DMD: variants seen among roughly 807,000 people sequenced by gnomAD.
The protein encoded by DMD is mutant dystrophin.
DMD carries 63 observed loss-of-function variants against 330.1 expected under a neutral mutation model. The ratio of observed to expected loss-of-function variants is 0.19; its 90% CI spans 0.16 to 0.24. The LOEUF (loss-of-function observed/expected upper bound fraction) is 0.24. Ranked by LOEUF, DMD falls within the 10% of genes least tolerant of loss-of-function variation. DMD has a pLI of 1.00. For missense variants in DMD, 3,344 were observed against 2,684.1 expected, an observed-to-expected ratio of 1.25 and a Z score of -5.43; for synonymous variants, 1,223 against 959.8, an observed-to-expected ratio of 1.27 and a Z score of -5.07.
intron 42 of DMD, among the ~76,000 whole-genome samples, chrX:32,297,138 T>C (rs180731642): frequency 0.01 from 1,156 of 111,550 alleles, 15 homozygotes; most frequent in African/African-American, 0.037. Flanking sequence ...AATACTATCT[T>C]CTAGGTTTCT....
intron 2 of DMD, among the ~76,000 whole-genome samples, chrX:32,907,525 G>GATCA (rs2086824576): frequency 9.0e-6 from 1 of 111,694 alleles, no homozygotes; most frequent in Non-Finnish European, 1.9e-5. Context: ...TAATAGGAGA[G>GATCA]AATTGATCAA....
At chrX:31,915,877 G>C (rs1317160773) in intron 47 of DMD, among the ~76,000 whole-genome samples, 1 of 111,736 alleles carries the variant, frequency 8.9e-6, no homozygotes, top group African/African-American at 3.3e-5. Context: ...GATTGCACTG[G>C]TGACCTCTCT....
Position 33,131,530 on chromosome X carries a change from A to AC in DMD, c.31+79751dup, listed in dbSNP as rs759081177. Among the ~76,000 whole-genome samples, 13 of 111,238 alleles carry AC rather than the reference A, an allele frequency of 1.2e-4. No individual in the cohort carries two copies. In the East Asian group the frequency reaches 3.7e-3, roughly 32 times the overall value. ...CTTAGGCCTTTGCACATTTAGGTAG[A>AC]CCCCCCAGGTGATTCTGTTATCCAA... On this transcript the variant is annotated intron_variant, in intron 1 of 78. Transcript: ENST00000357033.
chrX:32,732,421 G>C (rs1603299518), intron 7 of DMD, among the ~76,000 whole-genome samples: 1 of 110,206 alleles, frequency 9.1e-6, no homozygotes, highest in South Asian at 3.9e-4. Flanking sequence ...ATGCCACAAA[G>C]ATACTCCTCG....
At chrX:32,191,200 T>C (rs1225600937) in intron 44 of DMD, among the ~76,000 whole-genome samples, 3 of 111,779 alleles carry the variant, frequency 2.7e-5, no homozygotes, top group Non-Finnish European at 5.6e-5. Flanking sequence ...CTTTAGCTTC[T>C]ATCGAGAGAC....
In DMD at chrX:32,466,092, G is replaced by C. The variant is rs190353802; in HGVS notation, c.3163-1393C>G. Among the ~76,000 whole-genome samples, 85 of 110,535 alleles carry C rather than the reference G, an allele frequency of 7.7e-4. 1 individual carries two copies. The highest frequency in any genetic ancestry group is 4.6e-3 in the Middle Eastern group (1 of 217). ...AGTTTTTTCTTATTAAGTTTTTATT[G>C]TTATTATTATCAGTCCCATCACCAC... On this transcript the variant is annotated intron_variant, in intron 23 of 78. Transcript: ENST00000357033.
chrX:32,138,057 A>G (rs989792537), intron 44 of DMD, among the ~76,000 whole-genome samples: 1 of 107,928 alleles, frequency 9.3e-6, no homozygotes. Context: ...TCCTGCTTAG[A>G]CTCTAGTCTT....
At chrX:31,329,011 A>G (rs985179530) in intron 61 of DMD, among the ~76,000 whole-genome samples, 8 of 112,377 alleles carry the variant, frequency 7.1e-5, no homozygotes, top group African/African-American at 2.3e-4. Context: ...TCCTAGACCA[A>G]TGACATCTAT....
intron 1 of DMD, among the ~76,000 whole-genome samples, chrX:33,320,441 T>C (rs993888776): frequency 5.3e-5 from 6 of 112,332 alleles, no homozygotes; most frequent in African/African-American, 1.6e-4. Context: ...ATAAAAGTTA[T>C]ATTTACATTA....
chrX:32,837,032 A>G (rs899441923), intron 4 of DMD, among the ~76,000 whole-genome samples: 2 of 111,308 alleles, frequency 1.8e-5, no homozygotes, highest in African/African-American at 6.5e-5. Flanking sequence ...TTAGCCAGAA[A>G]CCACGTCTAC....
intron 1 of DMD, among the ~76,000 whole-genome samples, chrX:33,060,677 T>C (rs1018053909): frequency 9.2e-6 from 1 of 108,905 alleles, no homozygotes; most frequent in South Asian, 4.0e-4. Context: ...CTACTAAAAA[T>C]ACAAAAAAAA....
intron 9 of DMD, among the ~76,000 whole-genome samples, chrX:32,667,684 A>G (rs776724423): frequency 9.1e-6 from 1 of 109,331 alleles, no homozygotes; most frequent in South Asian, 3.8e-4. Context: ...CATGTATAAT[A>G]TTTGTCTTTT....
At chrX:32,182,374 G>T (rs980077737) in intron 44 of DMD, among the ~76,000 whole-genome samples, 1 of 111,341 alleles carries the variant, frequency 9.0e-6, no homozygotes, top group Non-Finnish European at 1.9e-5. Flanking sequence ...ATACTTTACA[G>T]CCTTATTATG....
intron 44 of DMD, among the ~76,000 whole-genome samples, chrX:32,039,640 G>T (rs1313612669): frequency 9.0e-6 from 1 of 111,707 alleles, no homozygotes; most frequent in Non-Finnish European, 1.9e-5. Context: ...CCAAATAAAC[G>T]ATATAGAACA....
At chrX:32,521,193 C>A (rs1025110782) in intron 17 of DMD, among the ~76,000 whole-genome samples, 1 of 111,903 alleles carries the variant, frequency 8.9e-6, no homozygotes, top group Non-Finnish European at 1.9e-5. Flanking sequence ...TATTTTGAGA[C>A]GGAGTCTCAC....
At chrX:33,187,092 T>G (rs1412156826) in intron 1 of DMD, among the ~76,000 whole-genome samples, 1 of 112,132 alleles carries the variant, frequency 8.9e-6, no homozygotes, top group Non-Finnish European at 1.9e-5. Context: ...GAATTGAACA[T>G]TGATTTAATA....
chrX:31,621,735 G>A (rs956580633), intron 55 of DMD, among the ~76,000 whole-genome samples: 2 of 111,879 alleles, frequency 1.8e-5, no homozygotes, highest in South Asian at 7.4e-4. Flanking sequence ...TACTCTAGCT[G>A]CTACATCATG....
At chrX:32,409,698 C>A (rs1171928292) in intron 30 of DMD, among the ~76,000 whole-genome samples, 1 of 111,968 alleles carries the variant, frequency 8.9e-6, no homozygotes, top group Non-Finnish European at 1.9e-5. Context: ...ATATTAATGT[C>A]TAGTATTCAT....
At chrX:32,484,857 A>G in intron 21 of DMD, 62 bp downstream of exon 21, 1 of 1,107,500 alleles carries the variant, frequency 9.0e-7, no homozygotes, top group Middle Eastern at 2.5e-4. Flanking sequence ...TACCTTCTGG[A>G]TTTCCCCACA....
Sources: allele counts gnomAD v4.1 joint callset (sites outside exome capture counted in the v4.1 genomes callset), GRCh38; gene constraint gnomAD v4.1.1; transcripts MANE v1.5; gene names NCBI Gene and HGNC (gene_info 2026-07-23, HGNC 2026-07-21).